CDH12: variants seen among roughly 807,000 people sequenced by gnomAD.
CDH12 encodes cadherin-12.
Under a neutral mutation model 74.1 loss-of-function variants are expected in CDH12, and 41 were observed. That is an observed-to-expected ratio of 0.55 (90% CI 0.43 to 0.72). The LOEUF is 0.72. CDH12 is among the 30% of genes least tolerant of loss of function. The probability of loss-of-function intolerance (pLI) is 0.00; values close to 1 mark genes in which losing one functional copy is unlikely to be tolerated. For missense variants in CDH12, 945 were observed against 977.2 expected (o/e 0.97, Z 0.44); for synonymous variants, 399 against 355.0 (o/e 1.12, Z -1.39).
At chr5:21,895,638 C>T (rs142420478) in intron 6 of CDH12, among the ~76,000 whole-genome samples, 118 of 152,316 alleles carry the variant, frequency 7.7e-4, no homozygotes, top group African/African-American at 2.6e-3. Context: ...TGATGTTAGA[C>T]AGCCTTGTGC....
intron 5 of CDH12, among the ~76,000 whole-genome samples, chr5:22,068,119 T>C (rs1741689858): frequency 6.6e-6 from 1 of 152,152 alleles, no homozygotes; most frequent in South Asian, 2.1e-4. Context: ...CATGTGCTAC[T>C]TGACCCAGCA....
chr5:22,109,480 A>G (rs1357597155), intron 4 of CDH12, among the ~76,000 whole-genome samples: 1 of 152,172 alleles, frequency 6.6e-6, no homozygotes, highest in Admixed American at 6.5e-5. Context: ...CATGCTGATA[A>G]TACTGTTTAC....
chr5:22,692,864 T>C (rs1162696783), intron 1 of CDH12, among the ~76,000 whole-genome samples: 1 of 152,160 alleles, frequency 6.6e-6, no homozygotes, highest in Non-Finnish European at 1.5e-5. Flanking sequence ...TTTCCTGCCA[T>C]TTCTAACATT....
intron 1 of CDH12, among the ~76,000 whole-genome samples, chr5:22,684,714 C>T (rs529651854): frequency 6.6e-5 from 10 of 152,274 alleles, no homozygotes; most frequent in Admixed American, 6.5e-4. Context: ...AAATTATACC[C>T]AGCTTCCTTT....
chr5:21,937,860 C>T (rs2150087032), intron 6 of CDH12, among the ~76,000 whole-genome samples: 1 of 152,306 alleles, frequency 6.6e-6, no homozygotes, highest in Non-Finnish European at 1.5e-5. Flanking sequence ...GGCAGACCTT[C>T]CCCAAGCATG....
Position 22,016,439 on chromosome 5 carries a change from A to G in CDH12, c.232-41054T>C, listed in dbSNP as rs555687811. ...GGAGATGGAGTCTTGTTTTGTCTCC[A>G]GGCTAGAGTGCAGTGGTGCAATCTC... On this transcript the variant is annotated intron_variant, in intron 5 of 14. Transcript: ENST00000382254. Among the ~76,000 whole-genome samples, 700 of 152,104 alleles carry G rather than the reference A, an allele frequency of 4.6e-3. 11 individuals are homozygous for G. The highest frequency in any genetic ancestry group is 0.016 in the African/African-American group (671 of 41,438).
chr5:22,021,577 T>C (rs1381119599), intron 5 of CDH12, among the ~76,000 whole-genome samples: 1 of 152,212 alleles, frequency 6.6e-6, no homozygotes, highest in Non-Finnish European at 1.5e-5. Context: ...ATTAGAAACT[T>C]ACTCTGAGTA....
At chr5:22,066,944 T>A (rs1741605388) in intron 5 of CDH12, among the ~76,000 whole-genome samples, 1 of 152,082 alleles carries the variant, frequency 6.6e-6, no homozygotes, top group African/African-American at 2.4e-5. Flanking sequence ...AATCAGCACA[T>A]CCCCTGGTAC....
At chr5:22,470,416 A>ATTTTATTTGATTTAT (rs145307255) in intron 2 of CDH12, among the ~76,000 whole-genome samples, 1 of 146,330 alleles carries the variant, frequency 6.8e-6, no homozygotes, top group Non-Finnish European at 1.5e-5. Flanking sequence ...ATTTTATTTT[A>ATTTTATTTGATTTAT]TTTATTTTAT....
At chr5:22,172,718 CTT>C (rs1749103701) in intron 4 of CDH12, among the ~76,000 whole-genome samples, 1 of 151,630 alleles carries the variant, frequency 6.6e-6, no homozygotes, top group Non-Finnish European at 1.5e-5. Flanking sequence ...TACTGTTACT[CTT>C]ATATTTTATT....
At chr5:22,325,615 G>T (rs774324904) in intron 3 of CDH12, among the ~76,000 whole-genome samples, 2 of 152,200 alleles carry the variant, frequency 1.3e-5, no homozygotes, top group East Asian at 3.9e-4. Flanking sequence ...GGCCAGGCGC[G>T]GTGGCTCACA....
At chr5:22,080,481 T>C (rs1267133114) in intron 4 of CDH12, among the ~76,000 whole-genome samples, 1 of 152,170 alleles carries the variant, frequency 6.6e-6, no homozygotes, top group Non-Finnish European at 1.5e-5. Flanking sequence ...CTGTTAGATA[T>C]TGACAAAACC....
At chr5:22,699,213 G>C (rs1223886881) in intron 1 of CDH12, among the ~76,000 whole-genome samples, 4 of 152,096 alleles carry the variant, frequency 2.6e-5, no homozygotes, top group African/African-American at 9.7e-5. Flanking sequence ...ACTATCATCT[G>C]TCTTTTAGAA....
intron 3 of CDH12, among the ~76,000 whole-genome samples, chr5:22,370,087 T>C (rs1741212946): frequency 1.3e-5 from 2 of 152,140 alleles, no homozygotes; most frequent in African/African-American, 4.8e-5. Context: ...TCTTTTCCCT[T>C]TGTCAGCCTC....
intron 1 of CDH12, among the ~76,000 whole-genome samples, chr5:22,705,691 C>A (rs1256689156): frequency 1.3e-5 from 2 of 151,768 alleles, no homozygotes; most frequent in African/African-American, 2.4e-5. Flanking sequence ...CTATGTATGC[C>A]ACCAAGGGAG....
intron 1 of CDH12, among the ~76,000 whole-genome samples, chr5:22,711,525 T>G (rs1210963472): frequency 6.6e-6 from 1 of 152,110 alleles, no homozygotes; most frequent in Non-Finnish European, 1.5e-5. Flanking sequence ...GTTTTACTTG[T>G]TTTTGTTCTT....
chr5:21,985,151 AT>A (rs1757462632), intron 5 of CDH12, among the ~76,000 whole-genome samples: 1 of 152,186 alleles, frequency 6.6e-6, no homozygotes, highest in African/African-American at 2.4e-5. Context: ...TGGATCACAT[AT>A]TTAAATATTA....
intron 3 of CDH12, among the ~76,000 whole-genome samples, chr5:22,283,241 T>C (rs1264334011): frequency 0.33 from 37,820 of 115,826 alleles, 6,858 homozygotes; most frequent in Admixed American, 0.41. Flanking sequence ...TATATATATA[T>C]ATATATATAT....
At chr5:22,016,134 T>C (rs191972099) in intron 5 of CDH12, among the ~76,000 whole-genome samples, 1 of 152,124 alleles carries the variant, frequency 6.6e-6, no homozygotes, top group South Asian at 2.1e-4. Flanking sequence ...CATTCACTGA[T>C]ATTTGGGGAT....
Sources: allele counts gnomAD v4.1 joint callset (sites outside exome capture counted in the v4.1 genomes callset), GRCh38; gene constraint gnomAD v4.1.1; transcripts MANE v1.5; gene names NCBI Gene and HGNC (gene_info 2026-07-23, HGNC 2026-07-21).